The following CCDC171 variants were observed in gnomAD, a reference collection of about 807,000 sequenced individuals.
CCDC171 encodes coiled-coil domain-containing protein 171.
CCDC171 carries 177 observed loss-of-function variants against 168.2 expected under a neutral mutation model. The ratio of observed to expected loss-of-function variants is 1.05; its 90% CI spans 0.93 to 1.19. CCDC171 has a LOEUF of 1.19. CCDC171 is among the 50% of genes most tolerant of loss of function. The pLI is 0.00. For missense variants in CCDC171, 1,991 were observed against 1,539.0 expected, an observed-to-expected ratio of 1.29 and a Z score of -4.91; for synonymous variants, 687 against 540.8, an observed-to-expected ratio of 1.27 and a Z score of -3.75.
intron 25 of CCDC171, among the ~76,000 whole-genome samples, chr9:15,925,573 C>T (rs2132063513): frequency 6.6e-6 from 1 of 151,632 alleles, no homozygotes; most frequent in Non-Finnish European, 1.5e-5. Context: ...ATCACTTTGG[C>T]TACAGTGTGA....
intron 11 of CCDC171, among the ~76,000 whole-genome samples, chr9:15,709,879 G>A (rs953874315): frequency 7.2e-5 from 11 of 151,970 alleles, no homozygotes; most frequent in African/African-American, 2.7e-4. Context: ...ACAAAAGGAG[G>A]CAGAATAGTG....
chr9:15,684,028 T>C (rs867164992), intron 10 of CCDC171, among the ~76,000 whole-genome samples: 3 of 151,958 alleles, frequency 2.0e-5, no homozygotes, highest in Non-Finnish European at 4.4e-5. Context: ...TTAATATGAT[T>C]AGGGAAAAGC....
chr9:16,010,392 C>T (rs1382607004), intron 3 of CCDC171, among the ~76,000 whole-genome samples: 3 of 152,046 alleles, frequency 2.0e-5, no homozygotes, highest in Non-Finnish European at 2.9e-5. Flanking sequence ...CAGGGATATA[C>T]GTGCAGATGC....
intron 23 of CCDC171, among the ~76,000 whole-genome samples, chr9:15,874,283 G>C (rs966996267): frequency 1.3e-5 from 2 of 152,066 alleles, no homozygotes; most frequent in Admixed American, 1.3e-4. Context: ...TTGATCAGAA[G>C]AGCTCTAGTG....
chr9:15,880,539 C>G (rs1294631194), intron 24 of CCDC171, among the ~76,000 whole-genome samples: 2 of 151,588 alleles, frequency 1.3e-5, no homozygotes, highest in Non-Finnish European at 2.9e-5. Flanking sequence ...TCATTCCAAC[C>G]TCCCGCAACC....
chr9:15,860,260 A>G (rs1366275497), intron 23 of CCDC171, among the ~76,000 whole-genome samples: 1 of 150,096 alleles, frequency 6.7e-6, no homozygotes, highest in Non-Finnish European at 1.5e-5. Flanking sequence ...TCTGTTCTTT[A>G]TTCTTTTCCT....
intron 7 of CCDC171, among the ~76,000 whole-genome samples, chr9:15,641,741 C>CA (rs1214064117): frequency 6.6e-6 from 1 of 151,772 alleles, no homozygotes; most frequent in Non-Finnish European, 1.5e-5. Flanking sequence ...TAAATTACAC[C>CA]AAAAAAGAGG....
At chr9:15,999,779 G>T (rs1832486170) in intron 3 of CCDC171, among the ~76,000 whole-genome samples, 1 of 152,166 alleles carries the variant, frequency 6.6e-6, no homozygotes, top group Middle Eastern at 3.2e-3. Context: ...CACTGTCCTG[G>T]ACTGAGACAT....
chr9:15,668,568 T>C (rs941733115), intron 9 of CCDC171, among the ~76,000 whole-genome samples: 13 of 152,114 alleles, frequency 8.5e-5, no homozygotes, highest in Admixed American at 8.5e-4. Flanking sequence ...TAAATAATAA[T>C]AAATAAATAA....
chr9:15,980,494 A>G (rs1232918624), intron 3 of CCDC171, among the ~76,000 whole-genome samples: 4 of 152,044 alleles, frequency 2.6e-5, no homozygotes, highest in South Asian at 4.2e-4. Flanking sequence ...GCCTGCATGT[A>G]TGGCCTCTCT....
At chr9:15,707,295 A>C (rs1588073977) in intron 11 of CCDC171, among the ~76,000 whole-genome samples, 1 of 152,374 alleles carries the variant, frequency 6.6e-6, no homozygotes, top group East Asian at 1.9e-4. Context: ...TGAGGTCATT[A>C]ATATATGCCA....
chr9:15,686,655 C>T (rs2050414847), intron 10 of CCDC171, among the ~76,000 whole-genome samples: 1 of 152,000 alleles, frequency 6.6e-6, no homozygotes, highest in Non-Finnish European at 1.5e-5. Flanking sequence ...AAAAATGTTA[C>T]TAGAGATAAA....
At chr9:15,731,281 A>G (rs2054134948) in intron 16 of CCDC171, among the ~76,000 whole-genome samples, 1 of 152,066 alleles carries the variant, frequency 6.6e-6, no homozygotes, top group African/African-American at 2.4e-5. Flanking sequence ...TGATCAACAT[A>G]AACACCCATG....
chr9:15,790,979 G>A (rs7469909), intron 21 of CCDC171, among the ~76,000 whole-genome samples: 143,535 of 152,194 alleles, frequency 0.94, 67,753 homozygotes, highest in East Asian at 1. Context: ...TACCAGTACC[G>A]TGCTGTTTTG....
intron 7 of CCDC171, among the ~76,000 whole-genome samples, chr9:15,631,714 C>T (rs1444710440): frequency 5.9e-5 from 9 of 151,612 alleles, no homozygotes; most frequent in African/African-American, 2.2e-4. Flanking sequence ...AGAGACACAA[C>T]CAAAAAAGAG....
chr9:15,831,653 A>C (rs1041752713), intron 21 of CCDC171, among the ~76,000 whole-genome samples: 11 of 152,190 alleles, frequency 7.2e-5, no homozygotes, highest in Non-Finnish European at 1.5e-4. Flanking sequence ...CATTTGTTCC[A>C]GTTAGTTTTG....
At chr9:15,691,125 A>G (rs2050744635) in intron 10 of CCDC171, among the ~76,000 whole-genome samples, 1 of 152,178 alleles carries the variant, frequency 6.6e-6, no homozygotes, top group African/African-American at 2.4e-5. Flanking sequence ...TGCAAAATAT[A>G]AAAAGAACAT....
the CCDC171 span, among the ~76,000 whole-genome samples, chr9:16,079,278 G>C: frequency 6.6e-6 from 1 of 152,138 alleles, no homozygotes; most frequent in African/African-American, 2.4e-5. Flanking sequence ...TCCATCCCCA[G>C]CTCCAATTCG....
In CCDC171 at chr9:15,571,925, T is replaced by C. The variant is rs568712068; in HGVS notation, c.177+166T>C. On this transcript the variant is annotated intron_variant, in intron 3 of 25. Coordinates refer to ENST00000380701, the MANE Select transcript of CCDC171 (RefSeq NM_173550.4). ...AATTTTAAAATGTAGTGTAATTGCA[T>C]AAGTGTTAAAGTAGAACTTTAATGA... Among the ~76,000 whole-genome samples, 246 of 152,314 alleles carry C rather than the reference T, an allele frequency of 1.6e-3. 8 individuals carry two copies. The South Asian group carries it at 0.049, about 31-fold the overall frequency.
Sources: allele counts gnomAD v4.1 joint callset (sites outside exome capture counted in the v4.1 genomes callset), GRCh38; gene constraint gnomAD v4.1.1; transcripts MANE v1.5; gene names NCBI Gene and HGNC (gene_info 2026-07-23, HGNC 2026-07-21).